Variants in PRKN observed in about 807,000 individuals in gnomAD.
PRKN encodes parkin RBR E3 ubiquitin protein ligase, also known as E3 ubiquitin-protein ligase parkin.
Under a neutral mutation model 59.5 loss-of-function variants are expected in PRKN, and 56 were observed. The ratio of observed to expected loss-of-function variants is 0.94; its 90% CI spans 0.76 to 1.18. PRKN has a LOEUF of 1.18. PRKN is among the 50% of genes most tolerant of loss of function. The pLI is 0.00. For missense variants in PRKN, 657 were observed against 596.4 expected, an observed-to-expected ratio of 1.10 and a Z score of -1.06; for synonymous variants, 250 against 222.1, an observed-to-expected ratio of 1.13 and a Z score of -1.12.
intron 3 of PRKN, among the ~76,000 whole-genome samples, chr6:162,209,631 A>G (rs188000090): frequency 2.8e-4 from 43 of 152,342 alleles, no homozygotes; most frequent in Middle Eastern, 3.4e-3. Context: ...ATTATAAATC[A>G]TGCTGCTAAT....
At chr6:161,404,724 G>A (rs1045166544) in intron 9 of PRKN, among the ~76,000 whole-genome samples, 6 of 152,158 alleles carry the variant, frequency 3.9e-5, no homozygotes, top group African/African-American at 1.4e-4. Flanking sequence ...GCACAATGAC[G>A]CAAGTCAAAA....
At chr6:161,764,918 T>TA (rs1789359320) in intron 7 of PRKN, among the ~76,000 whole-genome samples, 1 of 152,004 alleles carries the variant, frequency 6.6e-6, no homozygotes, top group Non-Finnish European at 1.5e-5. Flanking sequence ...CAAACTCCTT[T>TA]AAAAAAAAGA....
rs369306753 is a variant in PRKN, at chr6:162,434,236, T to C, written c.171+9074A>G. ...ACATTTTTTAAAAATCCAAAAACAATTGATACTAGAACACTATACTGACAC... is the reference window on the plus strand; with the variant it reads ...ACATTTTTTAAAAATCCAAAAACAACTGATACTAGAACACTATACTGACAC... On this transcript the variant is annotated intron_variant, in intron 2 of 11. Coordinates refer to ENST00000366898, the MANE Select transcript of PRKN (RefSeq NM_004562.3). Among the ~76,000 whole-genome samples, 60 of 152,304 alleles carry C rather than the reference T, an allele frequency of 3.9e-4. 3 individuals carry two copies. In the South Asian group the frequency reaches 0.012, roughly 30 times the overall value.
intron 7 of PRKN, among the ~76,000 whole-genome samples, chr6:161,642,049 G>T (rs1264193433): frequency 1.3e-5 from 2 of 152,106 alleles, no homozygotes; most frequent in Non-Finnish European, 2.9e-5. Flanking sequence ...AAAATAATAA[G>T]GATTTTCCCC....
At chr6:161,913,536 A>T (rs1778444839) in intron 6 of PRKN, among the ~76,000 whole-genome samples, 1 of 152,234 alleles carries the variant, frequency 6.6e-6, no homozygotes, top group Non-Finnish European at 1.5e-5. Context: ...TAAGTGAAAT[A>T]AAATAAAATA....
Position 161,372,833 on chromosome 6 carries a change from T to TC in PRKN, c.1168-12629_1168-12628insG. On this transcript the variant is annotated intron_variant, in intron 10 of 11. Coordinates refer to ENST00000366898, the MANE Select transcript of PRKN (RefSeq NM_004562.3). The surrounding 1 kb of genome is among the most constrained non-coding windows in gnomAD (Gnocchi z 4.2). ...AAAGACAGAGAGACCCTATTTTTTTTTTTTTTTTTTTTTTGAGACAGGGTC... is the reference window on the plus strand; with the variant it reads ...AAAGACAGAGAGACCCTATTTTTTTTCTTTTTTTTTTTTTTGAGACAGGGTC... Among the ~76,000 whole-genome samples, 1 of 150,480 alleles carries TC rather than the reference T, an allele frequency of 6.6e-6. No homozygotes were observed. The highest frequency in any genetic ancestry group is 1.9e-4 in the East Asian group (1 of 5,136).
At chr6:162,354,194 A>C (rs1348628433) in intron 2 of PRKN, among the ~76,000 whole-genome samples, 2 of 152,148 alleles carry the variant, frequency 1.3e-5, no homozygotes, top group East Asian at 3.8e-4. Context: ...CCATTCCTTG[A>C]TTTTTAAAAA....
chr6:162,552,738 T>C (rs918233789), intron 1 of PRKN, among the ~76,000 whole-genome samples: 1 of 151,996 alleles, frequency 6.6e-6, no homozygotes, highest in Non-Finnish European at 1.5e-5. Context: ...AGCATATAGA[T>C]GGTTTCTAAA....
At chr6:161,351,091 T>A (rs1257050859) in intron 11 of PRKN, among the ~76,000 whole-genome samples, 13 of 120,038 alleles carry the variant, frequency 1.1e-4, no homozygotes, top group Non-Finnish European at 1.5e-4. Context: ...AAATATATTT[T>A]TATATATTTA....
intron 7 of PRKN, among the ~76,000 whole-genome samples, chr6:161,726,592 A>G (rs1583060612): frequency 1.3e-5 from 2 of 152,224 alleles, no homozygotes; most frequent in African/African-American, 4.8e-5. Context: ...ATTTATGAGT[A>G]ATTGATTTGC....
intron 2 of PRKN, among the ~76,000 whole-genome samples, chr6:162,332,838 A>C (rs9458527): frequency 0.053 from 8,028 of 151,932 alleles, 723 homozygotes; most frequent in African/African-American, 0.19. Context: ...ACCACCACCA[A>C]CACTTCCACT....
At chr6:161,864,912 A>T (rs1350854278) in intron 6 of PRKN, among the ~76,000 whole-genome samples, 1 of 152,092 alleles carries the variant, frequency 6.6e-6, no homozygotes, top group Non-Finnish European at 1.5e-5. Flanking sequence ...CCCTGGCCTC[A>T]CAAAGTGCTG....
At chr6:161,951,596 G>C (rs1180997662) in intron 6 of PRKN, among the ~76,000 whole-genome samples, 4 of 152,144 alleles carry the variant, frequency 2.6e-5, no homozygotes, top group African/African-American at 9.7e-5. Flanking sequence ...GGTTTAGTTT[G>C]GTTGTGTTCC....
chr6:161,842,614 G>T (rs1793035270), intron 6 of PRKN, among the ~76,000 whole-genome samples: 1 of 151,642 alleles, frequency 6.6e-6, no homozygotes, highest in African/African-American at 2.4e-5. Context: ...ACCCAGGCTG[G>T]AGTGCAATGG....
At chr6:162,035,668 TA>T (rs1414944910) in intron 5 of PRKN, among the ~76,000 whole-genome samples, 1 of 152,170 alleles carries the variant, frequency 6.6e-6, no homozygotes, top group East Asian at 1.9e-4. Context: ...TACAATGTAT[TA>T]AATGTTAGAG....
At position 161,971,838 on chromosome 6, in the gene PRKN, T is replaced by G. The variant is rs193119673; in HGVS notation, c.734+1464A>C. On this transcript the variant is annotated intron_variant, in intron 6 of 11. Coordinates refer to ENST00000366898, the MANE Select transcript of PRKN (RefSeq NM_004562.3). ...GAAATCACAGAGTTTAAAGCAACTT[T>G]AAAAGACCATCTAATACAGTTCCAA... Among the ~76,000 whole-genome samples the G allele has an allele frequency of 2.0e-5, 3 of 152,326 alleles. No individual in the cohort carries two copies. The East Asian group carries it at 5.8e-4, about 29-fold the overall frequency.
rs1182907664 is a variant in PRKN, at chr6:161,356,977, G to C, written c.1285+3111C>G. Among the ~76,000 whole-genome samples the C allele has an allele frequency of 1.3e-5, 2 of 151,192 alleles. No homozygotes were observed. The highest frequency in any genetic ancestry group is 2.9e-5 in the Non-Finnish European group (2 of 67,814). ...TCTCAGGTGTCCCCACAAGCCGACA[G>C]TAAGTGCTGAACCAAACAACCACGG... On this transcript the variant is annotated intron_variant, in intron 11 of 11. Transcript: ENST00000366898. This position sits in a 1 kb window ranked among gnomAD's most constrained non-coding sequence, Gnocchi z 7.8.
intron 3 of PRKN, among the ~76,000 whole-genome samples, chr6:162,248,395 A>G (rs930280220): frequency 2.0e-5 from 3 of 152,292 alleles, no homozygotes; most frequent in South Asian, 4.1e-4. Context: ...TCACTGTAGT[A>G]ATTAATCCAG....
chr6:162,221,553 A>C (rs546462737), intron 3 of PRKN, among the ~76,000 whole-genome samples: 192 of 152,324 alleles, frequency 1.3e-3, no homozygotes, highest in Middle Eastern at 3.4e-3. Flanking sequence ...CATTGATGCC[A>C]CAGTGGTATG....
Sources: allele counts gnomAD v4.1 joint callset (sites outside exome capture counted in the v4.1 genomes callset), GRCh38; gene constraint gnomAD v4.1.1; non-coding constraint Gnocchi (gnomAD v3.1); transcripts MANE v1.5; gene names NCBI Gene and HGNC (gene_info 2026-07-23, HGNC 2026-07-21).